The following MEGF6 variants were observed in gnomAD, a reference collection of about 807,000 sequenced individuals.
The protein encoded by MEGF6 is multiple epidermal growth factor-like domains protein 6.
MEGF6 carries 184 observed loss-of-function variants against 207.1 expected under a neutral mutation model. The observed-to-expected ratio is 0.89, with a 90% CI of 0.79 to 1.00. The LOEUF is 1.00. MEGF6 is among the 50% of genes least tolerant of loss of function. MEGF6 has a pLI of 0.00. For synonymous variants in MEGF6, 1,038 were observed against 910.0 expected (o/e 1.14, Z -2.53); for missense variants, 2,282 against 2,202.9 (o/e 1.04, Z -0.72).
intron 1 of MEGF6, among the ~76,000 whole-genome samples, chr1:3,610,423 CA>C (rs1557435178): frequency 1.3e-5 from 2 of 152,194 alleles, no homozygotes; most frequent in African/African-American, 4.8e-5. Flanking sequence ...CTCGCCCACC[CA>C]CCCCTGCCAG....
chr1:3,498,754 G>A lies in MEGF6; in HGVS notation c.3167C>T (p.Pro1056Leu), dbSNP rs750578450. Residue 1056 changes from proline to leucine, a missense_variant, in exon 25 of 37, where the codon CCT becomes CTT. Physicochemically the swap from Pro to Leu is moderately conservative, Grantham distance 98. Coordinates refer to ENST00000356575, the MANE Select transcript of MEGF6 (RefSeq NM_001409.4). ...CLCQNGGTCD[P>L]VSGHCACPEG... ...TGGGCACGCACAGTGGCCTGAGACAGGGTCACAGGTCCCTCCGTTCTGGCA... is the reference window on the plus strand; with the variant it reads ...TGGGCACGCACAGTGGCCTGAGACAAGGTCACAGGTCCCTCCGTTCTGGCA... The A allele has an allele frequency of 2.6e-6, 4 of 1,561,834 alleles. No individual in the cohort carries two copies. Among genetic ancestry groups the A allele is most frequent in the South Asian group, 2.3e-5 (2 of 85,134 alleles).
At chr1:3,616,149 C>T (rs1483613256), upstream of MEGF6, among the ~76,000 whole-genome samples, 12 of 152,154 alleles carry the variant, frequency 7.9e-5, no homozygotes, top group South Asian at 1.0e-3. Flanking sequence ...ATGTCCGGTC[C>T]GCGGGCTGGC....
chr1:3,496,677 G>A lies in MEGF6; in HGVS notation c.3720C>T (p.Phe1240=). Residue 1240 remains phenylalanine (F), a synonymous_variant, in exon 29 of 37, where the codon TTC becomes TTT. Coordinates refer to ENST00000356575, the MANE Select transcript of MEGF6 (RefSeq NM_001409.4). ...ATGACRCPTG[F]LGTDCNLTCP... ...CACTGAGGTTGCAGTCCGTCCCGAG[G>A]AACCCAGTGGGGCAGCGGCAGGCCC... 6.4e-7 allele frequency: 1 copy of A among 1,570,758 alleles called. No individual in the cohort carries two copies. The highest frequency in any genetic ancestry group is 8.6e-7 in the Non-Finnish European group (1 of 1,158,372).
At chr1:3,600,144 C>T (rs1207089307) in intron 2 of MEGF6, among the ~76,000 whole-genome samples, 2 of 152,136 alleles carry the variant, frequency 1.3e-5, no homozygotes, top group Non-Finnish European at 2.9e-5. Flanking sequence ...CCAGCCCGGG[C>T]TGCCTTCCCT....
At chr1:3,612,984 A>C (rs973348162), upstream of MEGF6, among the ~76,000 whole-genome samples, 9 of 152,212 alleles carry the variant, frequency 5.9e-5, no homozygotes, top group Admixed American at 2.6e-4. Context: ...GGAACTGAAC[A>C]TAGGGGTCTG....
intron 4 of MEGF6, among the ~76,000 whole-genome samples, chr1:3,564,945 C>T (rs1007671716): frequency 6.6e-6 from 1 of 152,172 alleles, no homozygotes; most frequent in East Asian, 1.9e-4. Flanking sequence ...CCGCTCCAGC[C>T]GAGGCATTCT....
At chr1:3,532,064 G>A (rs1398473456) in intron 4 of MEGF6, among the ~76,000 whole-genome samples, 2 of 152,252 alleles carry the variant, frequency 1.3e-5, no homozygotes, top group African/African-American at 2.4e-5. Flanking sequence ...AGGTGGTGAC[G>A]GACAGAGAGC....
chr1:3,608,315 G>T (rs1644280495), intron 1 of MEGF6, among the ~76,000 whole-genome samples: 1 of 152,176 alleles, frequency 6.6e-6, no homozygotes, highest in African/African-American at 2.4e-5. Flanking sequence ...GCTCACAGAA[G>T]TGAGAGCTCC....
chr1:3,584,124 G>A (rs570885870), intron 3 of MEGF6, among the ~76,000 whole-genome samples: 13 of 152,356 alleles, frequency 8.5e-5, no homozygotes, highest in African/African-American at 2.9e-4. Context: ...GGCATCCAGG[G>A]TGCCACCGGC....
chr1:3,600,899 G>A (rs760329065), intron 2 of MEGF6, among the ~76,000 whole-genome samples: 6 of 152,324 alleles, frequency 3.9e-5, no homozygotes, highest in Non-Finnish European at 7.4e-5. Flanking sequence ...CCTCGGAGGT[G>A]GACCTCGGCC....
rs570616702 is a variant in MEGF6 at position 3,542,746 on chromosome 1, C to T, written c.482-18500G>A. 1.3e-3 allele frequency among the ~76,000 whole-genome samples: 198 copies of T among 152,346 alleles called. 1 individual carries two copies. The highest frequency in any genetic ancestry group is 4.2e-3 in the African/African-American group (175 of 41,586). On this transcript the variant is annotated intron_variant, in intron 4 of 36. Transcript: ENST00000356575. Reference sequence around the variant, plus strand: ...TGGAGTTCAGAGTGGCAGAGCTACTCGCCCAAGACCACGCAATAAGGAGCT... The same window carrying T: ...TGGAGTTCAGAGTGGCAGAGCTACTTGCCCAAGACCACGCAATAAGGAGCT...
At chr1:3,501,575 A>C (rs1640868527) in intron 18 of MEGF6, among the ~76,000 whole-genome samples, 1 of 152,108 alleles carries the variant, frequency 6.6e-6, no homozygotes, top group African/African-American at 2.4e-5. Context: ...AGCCTCATGC[A>C]GAGAGGGAGC....
At chr1:3,562,121 C>T (rs1480695373) in intron 4 of MEGF6, among the ~76,000 whole-genome samples, 2 of 152,202 alleles carry the variant, frequency 1.3e-5, no homozygotes, top group Non-Finnish European at 2.9e-5. Flanking sequence ...GCCCTCTCCT[C>T]TGTGTGTCTC....
chr1:3,568,944 C>T (rs1183234233), intron 4 of MEGF6, among the ~76,000 whole-genome samples: 1 of 152,218 alleles, frequency 6.6e-6, no homozygotes, highest in East Asian at 1.9e-4. Context: ...CATGCCAAAC[C>T]CTCAGTGTGG....
rs994655329 is a variant in MEGF6, at chr1:3,574,887, C to T, written c.481+4938G>A. ...CGAACTCCTGAGCTCAAGTGATACA[C>T]GTGCCTCGGCCTCCCAAAGGACTGG... On this transcript the variant is annotated intron_variant, in intron 4 of 36. Transcript: ENST00000356575. 4.6e-5 allele frequency among the ~76,000 whole-genome samples: 7 copies of T among 152,294 alleles called. No homozygotes were observed. In the East Asian group the frequency reaches 7.7e-4, roughly 17 times the overall value.
At chr1:3,500,816 C>A in intron 20 of MEGF6, 52 bp from the exon 21 acceptor site, 1 of 1,595,076 alleles carries the variant, frequency 6.3e-7, no homozygotes, top group Non-Finnish European at 8.6e-7. Context: ...GGGCCACGGG[C>A]ACCACAGCCG....
chr1:3,563,158 G>A (rs1470355065), intron 4 of MEGF6, among the ~76,000 whole-genome samples: 1 of 152,172 alleles, frequency 6.6e-6, no homozygotes, highest in Non-Finnish European at 1.5e-5. Context: ...GCCCCTCACA[G>A]TGAGTCACAC....
the MEGF6 span, among the ~76,000 whole-genome samples, chr1:3,620,386 G>A: frequency 2.6e-5 from 4 of 152,354 alleles, no homozygotes; most frequent in African/African-American, 9.6e-5. Context: ...CACAGGCCCA[G>A]AGGCCTTGGG....
At chr1:3,618,231 C>A in the MEGF6 span, among the ~76,000 whole-genome samples, 1 of 152,216 alleles carries the variant, frequency 6.6e-6, no homozygotes, top group Non-Finnish European at 1.5e-5. This position sits in a 1 kb window ranked among gnomAD's most constrained non-coding sequence, Gnocchi z 4.7. Flanking sequence ...GTGGGCCGCA[C>A]CCTGCCTGCC....
Sources: gnomAD v4.1 joint callset for allele counts (sites outside exome capture counted in the v4.1 genomes callset) on GRCh38, gnomAD v4.1.1 for gene constraint, Gnocchi (gnomAD v3.1) non-coding constraint, MANE v1.5 for transcripts, NCBI Gene and HGNC (gene_info 2026-07-23, HGNC 2026-07-21) for gene names.